CERS6: variants seen among roughly 807,000 people sequenced by gnomAD.
CERS6 encodes ceramide synthase 6, also known as LAG1 homolog, ceramide synthase 6.
A neutral mutation model predicts 56.8 loss-of-function variants in CERS6; 26 were observed. The ratio of observed to expected loss-of-function variants is 0.46; its 90% CI spans 0.34 to 0.63. The LOEUF (loss-of-function observed/expected upper bound fraction) is 0.63. Among genes scored for constraint, CERS6 ranks in the 30% least tolerant of loss-of-function variants. The pLI is 0.01. For missense variants in CERS6, 415 were observed against 467.5 expected, an observed-to-expected ratio of 0.89 and a Z score of 1.04; for synonymous variants, 164 against 173.3, an observed-to-expected ratio of 0.95 and a Z score of 0.42.
chr2:168,634,648 G>A (rs772934179), intron 4 of CERS6, among the ~76,000 whole-genome samples: 7 of 152,214 alleles, frequency 4.6e-5, no homozygotes, highest in Non-Finnish European at 8.8e-5. Context: ...CCTGACCTCA[G>A]GTGATCTGCC....
At chr2:168,500,324 T>G (rs184672148) in intron 1 of CERS6, among the ~76,000 whole-genome samples, 1 of 152,206 alleles carries the variant, frequency 6.6e-6, no homozygotes, top group Non-Finnish European at 1.5e-5. Context: ...AGGAGACAAA[T>G]TAAAACAAGG....
At chr2:168,538,818 T>C (rs1695314224) in intron 1 of CERS6, among the ~76,000 whole-genome samples, 1 of 152,240 alleles carries the variant, frequency 6.6e-6, no homozygotes, top group South Asian at 2.1e-4. Flanking sequence ...TTTACATCTG[T>C]GGCCTTTCTT....
intron 4 of CERS6, among the ~76,000 whole-genome samples, chr2:168,665,236 G>A (rs1391999747): frequency 1.3e-5 from 2 of 152,082 alleles, no homozygotes; most frequent in Admixed American, 6.5e-5. Flanking sequence ...TGAAGTGTAT[G>A]AGTCTCTTAA....
At chr2:168,708,182 T>C (rs1455825321) in intron 6 of CERS6, among the ~76,000 whole-genome samples, 3 of 152,144 alleles carry the variant, frequency 2.0e-5, no homozygotes, top group Non-Finnish European at 2.9e-5. Flanking sequence ...TCTTGGTGTA[T>C]GTAAATTTTG....
intron 8 of CERS6, among the ~76,000 whole-genome samples, chr2:168,760,679 G>A (rs953248099): frequency 1.3e-4 from 20 of 152,158 alleles, no homozygotes; most frequent in African/African-American, 4.6e-4. Flanking sequence ...AAAAAGAACA[G>A]TTTCCTCAAT....
chr2:168,465,847 G>A (rs917335401), intron 1 of CERS6, among the ~76,000 whole-genome samples: 1 of 151,946 alleles, frequency 6.6e-6, no homozygotes, highest in Non-Finnish European at 1.5e-5. Context: ...TGGTTATGAT[G>A]GTAAGTGTTA....
intron 4 of CERS6, chr2:168,644,156 A>G: frequency 2.1e-6 from 2 of 970,634 alleles, no homozygotes; most frequent in Non-Finnish European, 2.4e-6. Flanking sequence ...AGCACATGGT[A>G]AGTGCTGTAG....
intron 8 of CERS6, among the ~76,000 whole-genome samples, chr2:168,756,309 A>G (rs945040580): frequency 2.0e-5 from 3 of 152,244 alleles, no homozygotes; most frequent in Admixed American, 1.3e-4. Flanking sequence ...AGAGATACAC[A>G]TCTGCCTCAG....
At chr2:168,645,890 A>G (rs1685187594) in intron 4 of CERS6, among the ~76,000 whole-genome samples, 1 of 152,156 alleles carries the variant, frequency 6.6e-6, no homozygotes, top group Non-Finnish European at 1.5e-5. Flanking sequence ...TTCTGGCTGC[A>G]TTGTATTCCT....
intron 1 of CERS6, among the ~76,000 whole-genome samples, chr2:168,519,829 A>C (rs1694946852): frequency 6.6e-6 from 1 of 152,042 alleles, no homozygotes; most frequent in East Asian, 1.9e-4. Flanking sequence ...TTTCTAATCC[A>C]CTGTTGATGG....
chr2:168,460,103 C>T (rs1194614104), intron 1 of CERS6, among the ~76,000 whole-genome samples: 1 of 152,074 alleles, frequency 6.6e-6, no homozygotes, highest in Non-Finnish European at 1.5e-5. Flanking sequence ...TGTTTTCACC[C>T]TCCTGATTCT....
intron 8 of CERS6, among the ~76,000 whole-genome samples, chr2:168,725,702 A>G (rs1240834872): frequency 1.3e-5 from 2 of 152,242 alleles, no homozygotes; most frequent in Non-Finnish European, 2.9e-5. Flanking sequence ...TCAATGGTAT[A>G]TATTGGATAC....
intron 1 of CERS6, among the ~76,000 whole-genome samples, chr2:168,546,399 A>G (rs1272830350): frequency 6.6e-6 from 1 of 152,100 alleles, no homozygotes; most frequent in Non-Finnish European, 1.5e-5. Context: ...ATTACGGTGC[A>G]TTTTCTCTGT....
In CERS6 at chr2:168,691,126, A is replaced by G. The variant is rs746990490; in HGVS notation, c.516+42A>G. Reference sequence around the variant, plus strand: ...GTCTGGGTTTTTACACACATTAAGTATCTACCTTCGGTCAATTTCATGGTC... The same window carrying G: ...GTCTGGGTTTTTACACACATTAAGTGTCTACCTTCGGTCAATTTCATGGTC... On this transcript the variant is annotated intron_variant, in intron 5 of 9. Coordinates refer to ENST00000305747, the MANE Select transcript of CERS6 (RefSeq NM_203463.3). 3.8e-6 allele frequency: 6 copies of G among 1,576,214 alleles called. No homozygotes were observed. The South Asian group carries it at 5.6e-5, about 15-fold the overall frequency.
At chr2:168,459,799 C>T (rs988841658) in intron 1 of CERS6, among the ~76,000 whole-genome samples, 2 of 152,144 alleles carry the variant, frequency 1.3e-5, no homozygotes, top group Non-Finnish European at 2.9e-5. Context: ...TTCAGTAAGC[C>T]ATTCTCAGGA....
intron 8 of CERS6, among the ~76,000 whole-genome samples, chr2:168,750,045 A>G (rs74495784): frequency 1.3e-5 from 2 of 152,332 alleles, no homozygotes; most frequent in Non-Finnish European, 2.9e-5. Context: ...ATTAACTTCC[A>G]GGTGTTGGCT....
intron 3 of CERS6, among the ~76,000 whole-genome samples, chr2:168,580,195 T>TC (rs1459296319): frequency 1.3e-5 from 2 of 152,226 alleles, no homozygotes; most frequent in Non-Finnish European, 2.9e-5. Context: ...TTGTTTTTTT[T>TC]CCACCAGATC....
chr2:168,539,313 A>G (rs1695324458), intron 1 of CERS6, among the ~76,000 whole-genome samples: 1 of 152,190 alleles, frequency 6.6e-6, no homozygotes, highest in Non-Finnish European at 1.5e-5. Flanking sequence ...ATCGGATCTA[A>G]ATTTTGTCTA....
chr2:168,771,778 G>A lies in CERS6; in HGVS notation c.*2116G>A, dbSNP rs1684865278. 1.3e-5 allele frequency: 2 copies of A among 152,154 alleles called. No homozygotes were observed. Among genetic ancestry groups the A allele is most frequent in the Non-Finnish European group, 1.5e-5 (1 of 68,026 alleles). The allele number at this position is 152,154 out of a possible 1,614,324, so 9.4% of individuals were successfully genotyped here. On this transcript the variant is annotated 3_prime_UTR_variant, in exon 10 of 10. Coordinates refer to ENST00000305747, the MANE Select transcript of CERS6 (RefSeq NM_203463.3). ...GAGCACAGAAGAATAATTTCAAGGA[G>A]GTCATCTTGTAAATTAAAGGTTTAG...
Sources: gnomAD v4.1 joint callset for allele counts (sites outside exome capture counted in the v4.1 genomes callset) on GRCh38, gnomAD v4.1.1 for gene constraint, MANE v1.5 for transcripts, NCBI Gene and HGNC (gene_info 2026-07-23, HGNC 2026-07-21) for gene names.